BDP1: variants seen among roughly 807,000 people sequenced by gnomAD.
BDP1 encodes the protein transcription factor TFIIIB component B'' homolog.
BDP1 carries 169 observed loss-of-function variants against 266.6 expected under a neutral mutation model. That is an observed-to-expected ratio of 0.63 (90% confidence interval 0.56 to 0.72). The LOEUF is 0.72. Among genes scored for constraint, BDP1 ranks in the 30% least tolerant of loss-of-function variants. BDP1 has a pLI of 0.00. For synonymous variants in BDP1, 1,090 were observed against 1,022.4 expected (o/e 1.07, Z -1.26); for missense variants, 3,015 against 3,053.8 (o/e 0.99, Z 0.30).
In BDP1 at chr5:71,522,933, C is replaced by T. The variant is rs763337500; in HGVS notation, c.5371C>T (p.Leu1791Phe). 1.9e-6 allele frequency: 3 copies of T among 1,580,586 alleles called. No homozygotes were observed. Among genetic ancestry groups the T allele is most frequent in the Non-Finnish European group, 2.6e-6 (3 of 1,167,122 alleles). ...ATCTTCAGTTGTTGAAGAGCAATAT[C>T]TCAATAAACTAACAAGGTAACATTT... The part of the protein sequence containing the change: ...SPSSVVEEQY[L>F]NKLTSCPQPL... The change falls in exon 24 of 39, where the codon CTC becomes TTC. Residue 1791 changes from leucine to phenylalanine, a missense_variant. Coordinates refer to ENST00000358731, the MANE Select transcript of BDP1 (RefSeq NM_018429.3).
intron 7 of BDP1, among the ~76,000 whole-genome samples, chr5:71,477,076 A>T (rs1343942862): frequency 6.8e-6 from 1 of 147,074 alleles, no homozygotes; most frequent in Non-Finnish European, 1.5e-5. Flanking sequence ...AAACTTCCTT[A>T]CTTCAAGTGG....
chr5:71,482,525 A>T (rs1034653256), intron 7 of BDP1, among the ~76,000 whole-genome samples: 1 of 152,208 alleles, frequency 6.6e-6, no homozygotes, highest in Admixed American at 6.5e-5. Context: ...AGTGGAAATT[A>T]TGGGATTTAT....
rs368295198 is a variant in BDP1 at position 71,541,659 on chromosome 5, A to G, written c.6228A>G (p.Val2076=). 306 of 1,604,374 alleles carry G rather than the reference A, an allele frequency of 1.9e-4. 2 individuals carry two copies. In the African/African-American group the frequency reaches 3.1e-3, roughly 16 times the overall value. The change falls in exon 29 of 39, where the codon GTA becomes GTG. Residue 2076 remains valine (V), a synonymous_variant. Coordinates refer to ENST00000358731, the MANE Select transcript of BDP1 (RefSeq NM_018429.3). ...AAGAAATAAGTTTAATGGAGAAAGT[A>G]AAGGAGAATGCTACACCAACCAGGT... ...SREEISLMEK[V]KENATPTRNT... is the part of the protein sequence containing the mutation.
Position 71,539,586 on chromosome 5 carries a change from A to G in BDP1, c.5959A>G (p.Ile1987Val). ...GTNDGSTEAA[I>V]TLLTMGDLVL... ...CAATGATGGAAGCACCGAAGCTGCA[A>G]TAACTTTACTTACAATGGGAGATCT... Residue 1987 changes from isoleucine (I) to valine (V), a missense_variant, in exon 28 of 39, where the codon ATA becomes GTA. Ile to Val is a conservative substitution (Grantham distance 29, BLOSUM62 3). Coordinates refer to ENST00000358731, the MANE Select transcript of BDP1 (RefSeq NM_018429.3). The G allele has an allele frequency of 6.2e-7, 1 of 1,612,608 alleles. No individual in the cohort carries two copies. The highest frequency in any genetic ancestry group is 8.5e-7 in the Non-Finnish European group (1 of 1,179,434).
At chr5:71,562,188 T>A in intron 37 of BDP1, 86 bp from the exon 38 acceptor site, 2 of 1,265,578 alleles carry the variant, frequency 1.6e-6, no homozygotes, top group Non-Finnish European at 2.1e-6. Context: ...AGAGTGAGAC[T>A]GCGTCTCAAA....
chr5:71,533,136 A>G (rs755413335), intron 26 of BDP1, among the ~76,000 whole-genome samples: 3 of 152,210 alleles, frequency 2.0e-5, no homozygotes, highest in Non-Finnish European at 4.4e-5. Context: ...GCCTAATAAT[A>G]TTCCATATGG....
At chr5:71,517,280 C>G (rs1441904225) in intron 21 of BDP1, 42 bp from the exon 22 acceptor site, 3 of 1,458,682 alleles carry the variant, frequency 2.1e-6, no homozygotes, top group Non-Finnish European at 2.8e-6. Context: ...GAGGTATATT[C>G]TGCTATAAAA....
At chr5:71,495,964 T>C (rs575501532) in intron 12 of BDP1, among the ~76,000 whole-genome samples, 92 of 152,120 alleles carry the variant, frequency 6.0e-4, no homozygotes, top group East Asian at 1.7e-3. Context: ...GTTTATGGGC[T>C]GGGCGCAGTG....
chr5:71,497,470 T>G (rs1399888683), intron 13 of BDP1, 44 bp downstream of exon 13: 8 of 1,498,656 alleles, frequency 5.3e-6, no homozygotes, highest in Non-Finnish European at 7.2e-6. Flanking sequence ...TATAAAAATT[T>G]TCTTTAGATA....
intron 22 of BDP1, 30 bp from the exon 23 acceptor site, chr5:71,522,259 T>G (rs1279718898): frequency 6.4e-7 from 1 of 1,565,414 alleles, no homozygotes; most frequent in East Asian, 2.2e-5. Context: ...CTGATTTTTG[T>G]TCTTCAACAT....
chr5:71,542,638 T>G (rs1209242557), intron 30 of BDP1, among the ~76,000 whole-genome samples: 1 of 151,840 alleles, frequency 6.6e-6, no homozygotes, highest in Admixed American at 6.6e-5. Context: ...TTGGGAGGCT[T>G]GAGCCCAAGA....
intron 7 of BDP1, among the ~76,000 whole-genome samples, chr5:71,471,677 A>AT (rs1762262917): frequency 6.6e-6 from 1 of 152,130 alleles, no homozygotes; most frequent in South Asian, 2.1e-4. Context: ...AACTTTATAC[A>AT]AGTTTTCTGG....
At chr5:71,464,154 A>T in intron 4 of BDP1, 37 bp downstream of exon 4, 1 of 1,271,230 alleles carries the variant, frequency 7.9e-7, no homozygotes, top group South Asian at 1.4e-5. Flanking sequence ...CTATTCCTAC[A>T]TTTTTTAAGA....
At chr5:71,488,045 C>G (rs972583317) in intron 9 of BDP1, among the ~76,000 whole-genome samples, 1 of 151,390 alleles carries the variant, frequency 6.6e-6, no homozygotes, top group African/African-American at 2.4e-5. Context: ...TTTTTTTTTA[C>G]TTACACATAA....
chr5:71,534,101 G>A (rs1766434463), intron 26 of BDP1, among the ~76,000 whole-genome samples: 1 of 152,056 alleles, frequency 6.6e-6, no homozygotes, highest in African/African-American at 2.4e-5. Context: ...TTTTGATGAA[G>A]TTCAGTTAAT....
chr5:71,525,759 G>A lies in BDP1; in HGVS notation c.5772+1436G>A, dbSNP rs536342155. Reference sequence around the variant, plus strand: ...GCTGACCCCCACCTCCCTCCCGGACGGGGTGGCTGTTGGGCAGAGACGCTC... The same window carrying A: ...GCTGACCCCCACCTCCCTCCCGGACAGGGTGGCTGTTGGGCAGAGACGCTC... On this transcript the variant is annotated intron_variant, in intron 25 of 38. Transcript: ENST00000358731. Among the ~76,000 whole-genome samples, 28 of 151,992 alleles carry A rather than the reference G, an allele frequency of 1.8e-4. No individual in the cohort carries two copies. In the East Asian group the frequency reaches 2.5e-3, roughly 14 times the overall value.
intron 1 of BDP1, among the ~76,000 whole-genome samples, chr5:71,456,696 T>C (rs542052826): frequency 2.0e-5 from 3 of 152,214 alleles, no homozygotes; most frequent in Non-Finnish European, 4.4e-5. Flanking sequence ...ATGGGAATAA[T>C]ATTGCCTACT....
downstream of BDP1, among the ~76,000 whole-genome samples, chr5:71,569,925 A>T (rs150535453): frequency 0.019 from 2,844 of 152,316 alleles, 58 homozygotes; most frequent in Non-Finnish European, 0.027. Context: ...CAAGCTGGTG[A>T]ATCAAATGGA....
chr5:71,510,020 C>A lies in BDP1; in HGVS notation c.2928C>A (p.Ala976=), dbSNP rs1216636838. The A allele has an allele frequency of 6.2e-7, 1 of 1,612,006 alleles. No homozygotes were observed. Among genetic ancestry groups the A allele is most frequent in the South Asian group, 1.1e-5 (1 of 91,000 alleles). Residue 976 remains alanine, a synonymous_variant, in exon 17 of 39, where the codon GCC becomes GCA. Coordinates refer to ENST00000358731, the MANE Select transcript of BDP1 (RefSeq NM_018429.3). ...PREKTPEVTD[A]TEEIDKNLEE... ...AGAAGACACCAGAGGTGACTGATGC[C>A]ACTGAGGAAATAGACAAAAATTTGG...
Sources: gnomAD v4.1 joint callset for allele counts (sites outside exome capture counted in the v4.1 genomes callset) on GRCh38, gnomAD v4.1.1 for gene constraint, MANE v1.5 for transcripts, NCBI Gene and HGNC (gene_info 2026-07-23, HGNC 2026-07-21) for gene names.